Variants in FAT1 observed in about 807,000 individuals in gnomAD.
The protein encoded by FAT1 is protocadherin Fat 1.
A neutral mutation model predicts 329.8 loss-of-function variants in FAT1; 171 were observed. The ratio of observed to expected loss-of-function variants is 0.52; its 90% CI spans 0.46 to 0.59. The LOEUF (loss-of-function observed/expected upper bound fraction) is 0.59. Ranked by LOEUF, FAT1 falls within the 20% of genes least tolerant of loss-of-function variation. FAT1 has a pLI of 0.00. For synonymous variants in FAT1, 2,233 were observed against 2,228.6 expected (o/e 1.00, Z -0.06); for missense variants, 5,672 against 5,774.4 (o/e 0.98, Z 0.57).
At chr4:186,710,857 G>A (rs1243196640) in intron 1 of FAT1, among the ~76,000 whole-genome samples, 1 of 152,190 alleles carries the variant, frequency 6.6e-6, no homozygotes, top group Non-Finnish European at 1.5e-5. Flanking sequence ...GACTGGCGGA[G>A]AAAAGAGAGA....
intron 26 of FAT1, chr4:186,592,781 T>G (rs1244965167): frequency 2.2e-6 from 1 of 456,350 alleles, no homozygotes; most frequent in African/African-American, 2.0e-5. Flanking sequence ...AGCAGTCAAT[T>G]AGGAACATCT....
At chr4:186,613,458 T>C (rs1739560861) in intron 12 of FAT1, 116 bp from the exon 13 acceptor site, 1 of 747,872 alleles carries the variant, frequency 1.3e-6, no homozygotes, top group African/African-American at 1.7e-5. Flanking sequence ...ACAGCCTTCC[T>C]CTTGAGACCA....
At chr4:186,640,555 C>G (rs1014017065) in intron 3 of FAT1, among the ~76,000 whole-genome samples, 1 of 152,172 alleles carries the variant, frequency 6.6e-6, no homozygotes, top group African/African-American at 2.4e-5. Flanking sequence ...GAATTATCCA[C>G]TCTCATAAAT....
intron 3 of FAT1, among the ~76,000 whole-genome samples, chr4:186,650,752 G>T (rs143352111): frequency 1.3e-4 from 20 of 152,278 alleles, no homozygotes; most frequent in Admixed American, 2.6e-4. Context: ...GGGAAGATAT[G>T]AGAGGTCAGA....
intron 3 of FAT1, among the ~76,000 whole-genome samples, chr4:186,650,300 T>C (rs1025017800): frequency 6.6e-6 from 1 of 152,186 alleles, no homozygotes; most frequent in Non-Finnish European, 1.5e-5. Context: ...CAGTTCTGAG[T>C]ATATTATTTC....
In FAT1 at chr4:186,588,891, A is replaced by T. The variant is rs2126352045; in HGVS notation, c.13468T>A (p.Leu4490Met). The change falls in exon 27 of 27, where the codon TTG becomes ATG. Residue 4490 changes from leucine (L) to methionine (M), a missense_variant. Leu to Met is a conservative substitution (Grantham distance 15, BLOSUM62 2). Transcript: ENST00000441802. ...ATATCGAGGGGATAAAAATTGGGCA[A>T]ATACTGATTCAAGTTGAACCTCTGC... ...NRQRFNLNQY[L>M]PNFYPLDMSE... 6.2e-7 allele frequency: 1 copy of T among 1,613,914 alleles called. No individual in the cohort carries two copies. Among genetic ancestry groups the T allele is most frequent in the Non-Finnish European group, 8.5e-7 (1 of 1,179,880 alleles).
Position 186,708,570 on chromosome 4 carries a change from T to C in FAT1, c.1258A>G (p.Ile420Val). 2 of 1,613,972 alleles carry C rather than the reference T, an allele frequency of 1.2e-6. No individual in the cohort carries two copies. The highest frequency in any genetic ancestry group is 1.7e-6 in the Non-Finnish European group (2 of 1,179,874). Residue 420 changes from isoleucine (I) to valine (V), a missense_variant, in exon 2 of 27, where the codon ATT becomes GTT. Physicochemically the swap from Ile to Val is conservative, Grantham distance 29. Coordinates refer to ENST00000441802, the MANE Select transcript of FAT1 (RefSeq NM_005245.4). ...CTTTTAACTGGTTCTAAAATAGAAA[T>C]GAGACCAGTGTTGTAATTTAAACTG... is the stretch of plus-strand genomic sequence containing the variant. ...KFSLNYNTGL[I>V]SILEPVKRQQ... is the part of the protein sequence containing the mutation.
At chr4:186,636,508 G>A (rs1740824369) in intron 5 of FAT1, 77 bp downstream of exon 5, 2 of 1,410,322 alleles carry the variant, frequency 1.4e-6, no homozygotes, top group South Asian at 2.8e-5. Context: ...TAGAAATAAA[G>A]TTACTAAAGA....
chr4:186,588,578 G>C lies in FAT1; in HGVS notation c.*14C>G, dbSNP rs543578964. 68 of 1,600,428 alleles carry C rather than the reference G, an allele frequency of 4.2e-5. No individual in the cohort carries two copies. Among genetic ancestry groups the C allele is most frequent in the South Asian group, 1.7e-4 (15 of 88,660 alleles). ...AGGTTCACTAAAGTCAGGCACTTTG[G>C]GGGGAGTTGAGAGTCAGACTTCCGT... On this transcript the variant is annotated 3_prime_UTR_variant, in exon 27 of 27. Coordinates refer to ENST00000441802, the MANE Select transcript of FAT1 (RefSeq NM_005245.4).
At chr4:186,725,704 G>A (rs1222294514), upstream of FAT1, among the ~76,000 whole-genome samples, 1 of 152,180 alleles carries the variant, frequency 6.6e-6, no homozygotes, top group East Asian at 1.9e-4. The surrounding 1 kb of genome is among the most constrained non-coding windows in gnomAD (Gnocchi z 5.4). Flanking sequence ...ATATGAGAGA[G>A]AGAAATGTGG....
chr4:186,662,787 C>T (rs935110404), intron 3 of FAT1, among the ~76,000 whole-genome samples: 2 of 151,936 alleles, frequency 1.3e-5, no homozygotes, highest in African/African-American at 2.4e-5. Flanking sequence ...TGAGCATAAT[C>T]GTAAAATAGC....
Position 186,707,200 on chromosome 4 carries a change from A to G in FAT1, c.2628T>C (p.Val876=), listed in dbSNP as rs754852205. ...DTFSIDSVTG[V]VNIARPLDRE... ...GATCCAGAGGGCGTGCGATGTTAAC[A>G]ACACCCGTCACGCTGTCAATTGAAA... Residue 876 remains valine (V), a synonymous_variant, in exon 2 of 27, where the codon GTT becomes GTC. Transcript: ENST00000441802. 5.6e-6 allele frequency: 9 copies of G among 1,613,956 alleles called. No homozygotes were observed. The South Asian group carries it at 7.7e-5, about 14-fold the overall frequency.
In FAT1 at chr4:186,596,900, C is replaced by T. The variant is rs368645432; in HGVS notation, c.12640G>A (p.Ala4214Thr). 5.0e-6 allele frequency: 8 copies of T among 1,613,884 alleles called. No homozygotes were observed. The African/African-American group carries it at 1.1e-4, about 22-fold the overall frequency. The stretch of plus-strand genomic sequence containing the variant: ...CCCAGGTGCTTGTCTTTAGGTTCAG[C>T]CTGATGCTTCTTTTTCCGACTAATC... ...KMISRKKKHQ[A>T]EPKDKHLGPA... is the part of the protein sequence containing the mutation. The change falls in exon 25 of 27, where the codon GCT (alanine) becomes ACT (threonine). Residue 4214 changes from alanine (A) to threonine (T), a missense_variant. By Grantham distance (58) the Ala-to-Thr change is moderately conservative. Transcript: ENST00000441802. This position sits in a 1 kb window ranked among gnomAD's most constrained non-coding sequence, Gnocchi z 4.7.
intron 2 of FAT1, among the ~76,000 whole-genome samples, chr4:186,694,474 A>T (rs1357151972): frequency 6.6e-6 from 1 of 152,240 alleles, no homozygotes; most frequent in African/African-American, 2.4e-5. Context: ...CAAAGAACAA[A>T]TGAGTTTTTA....
chr4:186,609,415 T>C, intron 15 of FAT1, 95 bp from the exon 16 acceptor site: 1 of 1,420,290 alleles, frequency 7.0e-7, no homozygotes, highest in Non-Finnish European at 9.4e-7. Context: ...GCTGTTTCTT[T>C]TTGTTGTTGT....
rs2126488918 is a variant in FAT1 at position 186,617,881 on chromosome 4, G to A, written c.8705C>T (p.Ala2902Val). The change falls in exon 10 of 27, where the codon GCC becomes GTC. Residue 2902 changes from alanine (A) to valine (V), a missense_variant. Ala to Val is a moderately conservative substitution (Grantham distance 64, BLOSUM62 0). This residue lies in a region of FAT1 where 3,966 missense variants were observed against 3,915.2 expected (regional missense o/e 1.01). Coordinates refer to ENST00000441802, the MANE Select transcript of FAT1 (RefSeq NM_005245.4). ...ATCGGTGACGGTAACATCCACAATG[G>A]CTGTGGAGGATAGCTGGATCTTTTC... ...HGEKIQLSST[A>V]IVDVTVTDVN... 1.2e-6 allele frequency: 2 copies of A among 1,613,982 alleles called. No individual in the cohort carries two copies. The highest frequency in any genetic ancestry group is 2.7e-5 in the African/African-American group (2 of 75,014).
rs765027099 is a variant in FAT1, at chr4:186,618,572, A to G, written c.8014T>C (p.Phe2672Leu). The G allele has an allele frequency of 1.9e-6, 3 of 1,614,066 alleles. No individual in the cohort carries two copies. Among genetic ancestry groups the G allele is most frequent in the Non-Finnish European group, 1.7e-6 (2 of 1,179,896 alleles). ...IGLENEFFTFFVRAVDNGSPS... is the reference protein window; with the variant it reads ...IGLENEFFTFLVRAVDNGSPS... ...GACCCATTATCCACAGCTCTAACAAAGAAAGTGAAGAATTCATTTTCCAAG... is the reference window on the plus strand; with the variant it reads ...GACCCATTATCCACAGCTCTAACAAGGAAAGTGAAGAATTCATTTTCCAAG... The change falls in exon 10 of 27, where the codon TTT becomes CTT. Residue 2672 changes from phenylalanine to leucine, a missense_variant. This residue lies in a region of FAT1 where 3,966 missense variants were observed against 3,915.2 expected (regional missense o/e 1.01). Coordinates refer to ENST00000441802, the MANE Select transcript of FAT1 (RefSeq NM_005245.4).
At chr4:186,591,552 C>CAA (rs1482880651) in intron 26 of FAT1, among the ~76,000 whole-genome samples, 1 of 152,046 alleles carries the variant, frequency 6.6e-6, no homozygotes, top group African/African-American at 2.4e-5. Context: ...TTGGATATGC[C>CAA]AAAAAATATT....
intron 22 of FAT1, 53 bp downstream of exon 22, chr4:186,599,845 C>T: frequency 7.2e-7 from 1 of 1,383,722 alleles, no homozygotes; most frequent in Non-Finnish European, 1.0e-6. Context: ...GGAGCTTCCC[C>T]TTAAATGTAC....
Sources: gnomAD v4.1 joint callset for allele counts (sites outside exome capture counted in the v4.1 genomes callset) on GRCh38, gnomAD v4.1.1 for gene constraint, gnomAD v4.1.1 regional missense constraint, Gnocchi (gnomAD v3.1) non-coding constraint, MANE v1.5 for transcripts, NCBI Gene and HGNC (gene_info 2026-07-23, HGNC 2026-07-21) for gene names.